The following THSD7B variants were observed in gnomAD, a reference collection of about 807,000 sequenced individuals.
The protein encoded by THSD7B is thrombospondin type-1 domain-containing protein 7B.
THSD7B carries 138 observed loss-of-function variants against 213.6 expected under a neutral mutation model. The ratio of observed to expected loss-of-function variants is 0.65; its 90% CI spans 0.56 to 0.74. The LOEUF (loss-of-function observed/expected upper bound fraction) is 0.74. THSD7B is among the 30% of genes least tolerant of loss of function. THSD7B has a pLI of 0.00. For missense variants in THSD7B, 1,931 were observed against 1,991.5 expected (o/e 0.97, Z 0.58); for synonymous variants, 742 against 687.0 (o/e 1.08, Z -1.25).
chr2:137,310,673 A>T lies in THSD7B; in HGVS notation c.2500+34647A>T, dbSNP rs572698384. 1.8e-4 allele frequency among the ~76,000 whole-genome samples: 27 copies of T among 152,190 alleles called. No individual in the cohort carries two copies. In the East Asian group the frequency reaches 3.1e-3, roughly 17 times the overall value. ...TAAGGCTTTAATCCATCTTGAATTG[A>T]TTTTTGTATAAGGCATAAGGAAGGG... is the stretch of plus-strand genomic sequence containing the variant. On this transcript the variant is annotated intron_variant, in intron 12 of 27. Transcript: ENST00000409968.
intron 15 of THSD7B, among the ~76,000 whole-genome samples, chr2:137,535,516 T>A (rs1248532092): frequency 6.6e-6 from 1 of 151,814 alleles, no homozygotes; most frequent in East Asian, 1.9e-4. Flanking sequence ...TTTCTTATTC[T>A]GTAGTTATCA....
chr2:136,878,487 T>C lies in THSD7B; in HGVS notation c.-35-3657T>C, dbSNP rs551834127. 1.6e-3 allele frequency among the ~76,000 whole-genome samples: 250 copies of C among 152,264 alleles called. 1 individual carries two copies. Among genetic ancestry groups the C allele is most frequent in the Admixed American group, 6.2e-3 (95 of 15,292 alleles). On this transcript the variant is annotated intron_variant, in intron 1 of 27. Coordinates refer to ENST00000409968, the MANE Select transcript of THSD7B (RefSeq NM_001316349.2). ...TTCTAGTTCTAGATCCTTGAGGAAT[T>C]GCCACACTGACTTCCACAATGGTTG...
At chr2:137,210,585 G>T (rs1681081413) in intron 7 of THSD7B, among the ~76,000 whole-genome samples, 1 of 151,910 alleles carries the variant, frequency 6.6e-6, no homozygotes, top group Non-Finnish European at 1.5e-5. Context: ...AAAAGTCATT[G>T]TCAAATCTTT....
chr2:137,456,984 G>C (rs1687774976), intron 15 of THSD7B, among the ~76,000 whole-genome samples: 2 of 152,088 alleles, frequency 1.3e-5, no homozygotes, highest in South Asian at 4.1e-4. Context: ...TCAAGTTGTG[G>C]CATTGCACTA....
chr2:137,352,603 T>G (rs1346081334), intron 12 of THSD7B, among the ~76,000 whole-genome samples: 1 of 152,030 alleles, frequency 6.6e-6, no homozygotes, highest in East Asian at 1.9e-4. Context: ...CTGCCATGAC[T>G]TCGGCCCTCT....
intron 2 of THSD7B, among the ~76,000 whole-genome samples, chr2:137,012,608 G>T (rs1305642328): frequency 6.6e-6 from 1 of 152,186 alleles, no homozygotes; most frequent in African/African-American, 2.4e-5. Flanking sequence ...AGCAAGTTCA[G>T]TGCTCATGTG....
intron 10 of THSD7B, among the ~76,000 whole-genome samples, chr2:137,269,864 T>C (rs1055145392): frequency 2.0e-5 from 3 of 152,164 alleles, no homozygotes; most frequent in African/African-American, 7.2e-5. Flanking sequence ...ATTTACTCTT[T>C]CAAATAGCAA....
At chr2:137,405,199 A>AC (rs764024248) in intron 12 of THSD7B, among the ~76,000 whole-genome samples, 1 of 2,836 alleles carries the variant, frequency 3.5e-4, no homozygotes, top group African/African-American at 4.2e-4. Flanking sequence ...CTAAACAAGC[A>AC]AAAAAAAAAA....
chr2:137,655,745 C>T, intron 22 of THSD7B, 85 bp downstream of exon 22: 2 of 1,380,424 alleles, frequency 1.4e-6, no homozygotes, highest in Non-Finnish European at 1.9e-6. Context: ...TGCTCTAGCT[C>T]ATCAAAATTA....
chr2:137,249,581 A>G (rs1329231402), intron 10 of THSD7B, among the ~76,000 whole-genome samples: 2 of 152,218 alleles, frequency 1.3e-5, no homozygotes, highest in Non-Finnish European at 2.9e-5. Flanking sequence ...TGAAATCTAC[A>G]GTATAGTCTA....
intron 2 of THSD7B, among the ~76,000 whole-genome samples, chr2:136,976,093 T>C (rs578664): frequency 0.49 from 73,843 of 152,038 alleles, 19,251 homozygotes; most frequent in Non-Finnish European, 0.59. Flanking sequence ...GACGATGGGG[T>C]TTTCTAGATA....
At chr2:136,821,926 T>C (rs1229579987) in intron 1 of THSD7B, among the ~76,000 whole-genome samples, 5 of 152,142 alleles carry the variant, frequency 3.3e-5, no homozygotes, top group Admixed American at 6.5e-5. Context: ...CTTCAATAAA[T>C]GTATGCTGTC....
intron 14 of THSD7B, among the ~76,000 whole-genome samples, chr2:137,415,637 A>G (rs1686777246): frequency 6.9e-6 from 1 of 144,736 alleles, no homozygotes; most frequent in African/African-American, 2.6e-5. Flanking sequence ...GAGGTGAGCC[A>G]CTTCCAACCA....
chr2:137,068,600 G>A (rs1040451510), intron 3 of THSD7B, among the ~76,000 whole-genome samples: 9 of 151,998 alleles, frequency 5.9e-5, no homozygotes, highest in Non-Finnish European at 5.9e-5. Flanking sequence ...GACATTTTTC[G>A]TGTGTGTATT....
chr2:137,166,639 G>C (rs529082954), intron 6 of THSD7B, among the ~76,000 whole-genome samples: 2 of 152,246 alleles, frequency 1.3e-5, no homozygotes, highest in Admixed American at 1.3e-4. Flanking sequence ...CTTTTTTGAA[G>C]ACAGTCTTTT....
At chr2:137,296,891 C>G (rs1445690281) in intron 12 of THSD7B, among the ~76,000 whole-genome samples, 1 of 151,932 alleles carries the variant, frequency 6.6e-6, no homozygotes, top group Non-Finnish European at 1.5e-5. Flanking sequence ...CATTGTGATA[C>G]ACTCAGTCTC....
intron 2 of THSD7B, among the ~76,000 whole-genome samples, chr2:136,956,684 T>C (rs921693005): frequency 2.0e-5 from 3 of 146,532 alleles, no homozygotes; most frequent in African/African-American, 7.8e-5. Context: ...TTTTTTCTTT[T>C]CTTTTTTTTT....
chr2:137,412,911 G>GT (rs1363227102), intron 14 of THSD7B, among the ~76,000 whole-genome samples: 6 of 143,038 alleles, frequency 4.2e-5, no homozygotes, highest in African/African-American at 1.1e-4. Flanking sequence ...TTTTTTACTA[G>GT]TTTTTTAAAA....
chr2:137,106,460 G>A (rs1453098574), intron 4 of THSD7B, among the ~76,000 whole-genome samples: 3 of 151,768 alleles, frequency 2.0e-5, no homozygotes, highest in Admixed American at 6.6e-5. Flanking sequence ...AAACCTAGGC[G>A]ATAGCATTCG....
Sources: allele counts gnomAD v4.1 joint callset (sites outside exome capture counted in the v4.1 genomes callset), GRCh38; gene constraint gnomAD v4.1.1; transcripts MANE v1.5; gene names NCBI Gene and HGNC (gene_info 2026-07-23, HGNC 2026-07-21).